The following PTPRT variants were observed in gnomAD, a reference collection of about 807,000 sequenced individuals.
PTPRT encodes receptor-type tyrosine-protein phosphatase T.
In PTPRT, 56 loss-of-function variants were observed where a neutral mutation model predicts 176.8. The ratio of observed to expected loss-of-function variants is 0.32; its 90% CI spans 0.26 to 0.40. The LOEUF is 0.40. PTPRT is among the 10% of genes least tolerant of loss of function. The pLI is 1.00. For missense variants in PTPRT, 1,540 were observed against 1,908.2 expected (o/e 0.81, Z 3.60); for synonymous variants, 783 against 739.0 (o/e 1.06, Z -0.96).
In PTPRT at chr20:42,386,361, C is replaced by T. The variant is rs139176571; in HGVS notation, c.1561-34076G>A. 7.6e-4 allele frequency among the ~76,000 whole-genome samples: 116 copies of T among 152,112 alleles called. 1 individual carries two copies. The highest frequency in any genetic ancestry group is 2.7e-3 in the African/African-American group (112 of 41,482). Reference sequence around the variant, plus strand: ...TCCCAGGAGTTTAAAAAAGAAAATACGGGGACCTAACTAAAAATGGAGGTA... The same window carrying T: ...TCCCAGGAGTTTAAAAAAGAAAATATGGGGACCTAACTAAAAATGGAGGTA... On this transcript the variant is annotated intron_variant, in intron 9 of 30. Transcript: ENST00000373187.
At chr20:42,101,081 G>A (rs1233788601) in intron 26 of PTPRT, among the ~76,000 whole-genome samples, 1 of 152,234 alleles carries the variant, frequency 6.6e-6, no homozygotes, top group Non-Finnish European at 1.5e-5. Context: ...AGTGAGATAG[G>A]AGGGCCACAT....
chr20:42,978,734 G>A (rs1983103816), intron 1 of PTPRT, among the ~76,000 whole-genome samples: 1 of 152,142 alleles, frequency 6.6e-6, no homozygotes, highest in Non-Finnish European at 1.5e-5. Context: ...GGCCACGAGA[G>A]TGACCTCTGG....
chr20:42,215,953 C>T (rs890555612), intron 15 of PTPRT, among the ~76,000 whole-genome samples: 2 of 152,284 alleles, frequency 1.3e-5, no homozygotes, highest in Admixed American at 1.3e-4. Context: ...AGATGCTCCT[C>T]CTCGGTCTGT....
At chr20:42,190,184 T>C (rs1990940373) in intron 16 of PTPRT, among the ~76,000 whole-genome samples, 1 of 152,180 alleles carries the variant, frequency 6.6e-6, no homozygotes, top group Non-Finnish European at 1.5e-5. Flanking sequence ...AAAATATAAT[T>C]GTTCCTGCAA....
chr20:42,481,798 ACACACACG>A (rs1739470243), intron 7 of PTPRT, among the ~76,000 whole-genome samples: 1 of 132,336 alleles, frequency 7.6e-6, no homozygotes, highest in African/African-American at 2.8e-5. Flanking sequence ...ACACACACAC[ACACACACG>A]CGCGCATGTA....
chr20:42,128,757 A>T lies in PTPRT; in HGVS notation c.2844T>A (p.Ile948=). Reference sequence around the variant, plus strand: ...CCAGCCCCATTAAGACACTCACGTCAATGTAGTTGGCATTGATGTAGTCAG... The same window carrying T: ...CCAGCCCCATTAAGACACTCACGTCTATGTAGTTGGCATTGATGTAGTCAG... ...PHSDYINANY[I]DGYHRPRHYI... The change falls in exon 19 of 31, where the codon ATT becomes ATA. Residue 948 remains isoleucine (I), a synonymous_variant. Coordinates refer to ENST00000373187, the MANE Select transcript of PTPRT (RefSeq NM_007050.6). 6.3e-7 allele frequency: 1 copy of T among 1,597,456 alleles called. No homozygotes were observed. The highest frequency in any genetic ancestry group is 1.7e-4 in the Middle Eastern group (1 of 5,996).
chr20:42,056,825 A>G, the PTPRT span, among the ~76,000 whole-genome samples: 6 of 152,240 alleles, frequency 3.9e-5, no homozygotes, highest in Admixed American at 2.6e-4. Context: ...ACTAAGAAAT[A>G]TGGTCACCTG....
chr20:42,722,928 G>T (rs1014761158), intron 6 of PTPRT, among the ~76,000 whole-genome samples: 1 of 152,196 alleles, frequency 6.6e-6, no homozygotes, highest in Non-Finnish European at 1.5e-5. Flanking sequence ...ATCCTGGAAG[G>T]TGGTAAACAT....
intron 9 of PTPRT, among the ~76,000 whole-genome samples, chr20:42,445,434 A>C (rs1165905552): frequency 6.6e-6 from 1 of 152,178 alleles, no homozygotes; most frequent in Non-Finnish European, 1.5e-5. Context: ...AGAGCAAGTA[A>C]ATGTCAGAGC....
chr20:42,775,615 G>C (rs1176220797), intron 4 of PTPRT, among the ~76,000 whole-genome samples: 1 of 133,918 alleles, frequency 7.5e-6, no homozygotes, highest in African/African-American at 2.4e-5. Flanking sequence ...GTTTGTAAGA[G>C]AAAATAATTT....
At chr20:42,204,454 A>G (rs1454506311) in intron 15 of PTPRT, among the ~76,000 whole-genome samples, 1 of 152,204 alleles carries the variant, frequency 6.6e-6, no homozygotes, top group Non-Finnish European at 1.5e-5. Flanking sequence ...TGGGTCACAC[A>G]ATTTCGCCAG....
intron 11 of PTPRT, among the ~76,000 whole-genome samples, chr20:42,343,990 A>G (rs549581211): frequency 1.5e-4 from 23 of 152,312 alleles, no homozygotes; most frequent in African/African-American, 5.5e-4. Flanking sequence ...ACCTCTGCCT[A>G]CTGGGTTCAA....
rs1198430652 is a variant in PTPRT, at chr20:43,084,758, T to G, written c.88+104888A>C. ...AAGCATGTAGATAAGTATATGAAAT[T>G]TATGTATATACCATATCTTAAGGGA... On this transcript the variant is annotated intron_variant, in intron 1 of 30. Transcript: ENST00000373187. Among the ~76,000 whole-genome samples, 6 of 152,164 alleles carry G rather than the reference T, an allele frequency of 3.9e-5. 1 individual carries two copies. Among genetic ancestry groups the G allele is most frequent in the Non-Finnish European group, 8.8e-5 (6 of 68,034 alleles).
At chr20:42,587,466 A>C (rs2073491650) in intron 7 of PTPRT, among the ~76,000 whole-genome samples, 1 of 152,232 alleles carries the variant, frequency 6.6e-6, no homozygotes, top group African/African-American at 2.4e-5. Flanking sequence ...GCATCAGATC[A>C]AACTTTTGTC....
intron 27 of PTPRT, 49 bp from the exon 28 acceptor site, chr20:42,085,902 G>T (rs768312070): frequency 1.3e-6 from 2 of 1,523,286 alleles, no homozygotes; most frequent in Non-Finnish European, 1.8e-6. Flanking sequence ...CAGGGGGCGG[G>T]TATCAAAGTC....
chr20:43,063,462 G>A (rs78925981), intron 1 of PTPRT: 14,199 of 152,362 alleles, frequency 0.093, 753 homozygotes, highest in Middle Eastern at 0.14. Flanking sequence ...CTGAAGCTGC[G>A]CAGTGGGTCA....
At chr20:42,350,426 G>A (rs1350724414) in intron 11 of PTPRT, among the ~76,000 whole-genome samples, 1 of 151,912 alleles carries the variant, frequency 6.6e-6, no homozygotes, top group East Asian at 1.9e-4. Flanking sequence ...GTATAGACGG[G>A]GTCTCCCTAT....
intron 26 of PTPRT, among the ~76,000 whole-genome samples, chr20:42,100,161 A>G (rs1985788286): frequency 6.6e-6 from 1 of 152,230 alleles, no homozygotes; most frequent in Non-Finnish European, 1.5e-5. Context: ...CCCAACACTC[A>G]GTGAATGTTA....
rs1157708680 is a variant in PTPRT at position 42,624,826 on chromosome 20, G to A, written c.1153+53040C>T. Reference sequence around the variant, plus strand: ...CACAGCCACATTCCACAAAGGGCTTGAGGCAGCCTACAATGGCAAAATGCA... The same window carrying A: ...CACAGCCACATTCCACAAAGGGCTTAAGGCAGCCTACAATGGCAAAATGCA... On this transcript the variant is annotated intron_variant, in intron 7 of 30. Transcript: ENST00000373187. Among the ~76,000 whole-genome samples the A allele has an allele frequency of 7.9e-5, 12 of 152,150 alleles. No homozygotes were observed. In the East Asian group the frequency reaches 2.3e-3, roughly 29 times the overall value.
Sources: allele counts gnomAD v4.1 joint callset (sites outside exome capture counted in the v4.1 genomes callset), GRCh38; gene constraint gnomAD v4.1.1; transcripts MANE v1.5; gene names NCBI Gene and HGNC (gene_info 2026-07-23, HGNC 2026-07-21).